ZNF566: variants seen among roughly 807,000 people sequenced by gnomAD.
The protein encoded by ZNF566 is zinc finger protein 566.
A neutral mutation model predicts 32.8 loss-of-function variants in ZNF566; 27 were observed. The ratio of observed to expected loss-of-function variants is 0.82; its 90% CI spans 0.61 to 1.14. The LOEUF is 1.14. Among genes scored for constraint, ZNF566 ranks in the 50% most tolerant of loss-of-function variants. The pLI is 0.00. For synonymous variants in ZNF566, 154 were observed against 159.5 expected (o/e 0.97, Z 0.26); for missense variants, 402 against 490.4 (o/e 0.82, Z 1.70).
intron 2 of ZNF566, 138 bp downstream of exon 2, chr19:36,476,411 C>A: frequency 1.7e-6 from 1 of 593,100 alleles, no homozygotes; most frequent in Non-Finnish European, 2.9e-6. Context: ...CAGCAAAATT[C>A]TGACATTGCT....
At chr19:36,463,176 T>C (rs1006446638) in intron 4 of ZNF566, among the ~76,000 whole-genome samples, 1 of 150,936 alleles carries the variant, frequency 6.6e-6, no homozygotes, top group African/African-American at 2.4e-5. Flanking sequence ...CGGTGGCACA[T>C]GTCTGCGGTT....
intron 4 of ZNF566, among the ~76,000 whole-genome samples, chr19:36,452,143 A>G (rs2033174864): frequency 6.6e-6 from 1 of 152,120 alleles, no homozygotes; most frequent in South Asian, 2.1e-4. Context: ...TAGACAAGGA[A>G]ATGGAGGGGT....
intron 1 of ZNF566, among the ~76,000 whole-genome samples, chr19:36,478,372 T>C (rs1568529686): frequency 6.6e-6 from 1 of 152,178 alleles, no homozygotes; most frequent in Admixed American, 6.6e-5. Flanking sequence ...TTCCTTCTTC[T>C]ATATTCCTCA....
At chr19:36,483,285 G>A (rs1243114224) in intron 1 of ZNF566, among the ~76,000 whole-genome samples, 5 of 152,198 alleles carry the variant, frequency 3.3e-5, no homozygotes, top group Non-Finnish European at 7.3e-5. Flanking sequence ...ACATAAATGT[G>A]CATGTAGACA....
rs770928513 is a variant in ZNF566, at chr19:36,449,795, C to T, written c.439G>A (p.Glu147Lys). The T allele has an allele frequency of 2.5e-6, 4 of 1,614,142 alleles. No homozygotes were observed. Among genetic ancestry groups the T allele is most frequent in the South Asian group, 1.1e-5 (1 of 91,080 alleles). Reference protein sequence around the residue: ...GHFNQLVFTHEDLPTLSHHPS... With the variant: ...GHFNQLVFTHKDLPTLSHHPS... ...TGGTGACTCAAAGTGGGCAGATCTT[C>T]ATGAGTGAATACCAATTGATTGAAA... The change falls in exon 5 of 5, where the codon GAA becomes AAA. Residue 147 changes from glutamate to lysine, a missense_variant. By Grantham distance (56) the Glu-to-Lys change is moderately conservative (BLOSUM62 1). Around this residue, in one of 3 missense-constraint regions of ZNF566, gnomAD observed 220 missense variants for 241.9 expected, o/e 0.91. Coordinates refer to ENST00000452939, the MANE Select transcript of ZNF566 (RefSeq NM_001145344.1).
intron 1 of ZNF566, among the ~76,000 whole-genome samples, chr19:36,485,969 G>A (rs1004442050): frequency 2.0e-5 from 3 of 152,134 alleles, no homozygotes; most frequent in African/African-American, 4.8e-5. Context: ...CAAGAATATC[G>A]CTGGAACCCA....
intron 3 of ZNF566, 109 bp downstream of exon 3, chr19:36,473,223 C>G (rs2033808458): frequency 7.3e-7 from 1 of 1,364,626 alleles, no homozygotes; most frequent in Admixed American, 1.8e-5. Context: ...TCCTGTGGAA[C>G]AGGATATCAA....
intron 1 of ZNF566, among the ~76,000 whole-genome samples, chr19:36,482,216 C>T (rs1283242346): frequency 1.3e-5 from 2 of 152,234 alleles, no homozygotes; most frequent in East Asian, 1.9e-4. Flanking sequence ...CGCCATTCTC[C>T]TGCCTCAGCC....
intron 4 of ZNF566, among the ~76,000 whole-genome samples, chr19:36,454,609 T>C (rs1171156053): frequency 2.6e-5 from 4 of 152,170 alleles, no homozygotes. Context: ...TGAATAATTA[T>C]ATGCCAACAA....
rs999369228 is a variant in ZNF566, at chr19:36,448,116, A to G, written c.*861T>C. The G allele has an allele frequency of 3.9e-5, 6 of 152,204 alleles. No homozygotes were observed. The highest frequency in any genetic ancestry group is 8.8e-5 in the Non-Finnish European group (6 of 68,014). The allele number at this position is 152,204 out of a possible 1,614,324, so 9.4% of individuals were successfully genotyped here. A position where few individuals can be genotyped will look rare whatever the true frequency, so the allele number is the denominator to read the frequency against. On this transcript the variant is annotated 3_prime_UTR_variant, in exon 5 of 5. Coordinates refer to ENST00000452939, the MANE Select transcript of ZNF566 (RefSeq NM_001145344.1). ...TATATGAACAGAAAAATGATCAGCAATAAATAATGAACTGATAAAGACTAT... is the reference window on the plus strand; with the variant it reads ...TATATGAACAGAAAAATGATCAGCAGTAAATAATGAACTGATAAAGACTAT...
At chr19:36,463,033 T>A (rs2033517130) in intron 4 of ZNF566, among the ~76,000 whole-genome samples, 1 of 149,944 alleles carries the variant, frequency 6.7e-6, no homozygotes, top group African/African-American at 2.5e-5. Context: ...AGGCTTATCT[T>A]GGGCCAGACG....
intron 1 of ZNF566, among the ~76,000 whole-genome samples, chr19:36,488,685 AG>A (rs2145720293): frequency 6.6e-6 from 1 of 152,234 alleles, no homozygotes; most frequent in East Asian, 1.9e-4. Flanking sequence ...ATACTTCAGA[AG>A]GGAGAATATA....
intron 4 of ZNF566, among the ~76,000 whole-genome samples, chr19:36,471,278 A>C (rs981422704): frequency 4.6e-5 from 7 of 151,706 alleles, no homozygotes; most frequent in African/African-American, 1.7e-4. Context: ...CCTTCTGATG[A>C]CTTCTTGTCT....
In ZNF566 at chr19:36,445,636, A is replaced by G. The variant is rs560827742; in HGVS notation, c.*3341T>C. 11 of 152,338 alleles carry G rather than the reference A, an allele frequency of 7.2e-5. No individual in the cohort carries two copies. The highest frequency in any genetic ancestry group is 2.2e-4 in the African/African-American group (9 of 41,578). The allele number at this position is 152,338 out of a possible 1,614,324, so 9.4% of individuals were successfully genotyped here. A position where few individuals can be genotyped will look rare whatever the true frequency, so the allele number is the denominator to read the frequency against. On this transcript the variant is annotated 3_prime_UTR_variant, in exon 5 of 5. Transcript: ENST00000452939. ...GGAGTTCGAGACCAGCCTGACCAAC[A>G]TGGAAAAATGCCGTCTCTACTAAAA...
chr19:36,477,885 A>C (rs1471809388), intron 1 of ZNF566, among the ~76,000 whole-genome samples: 2 of 152,176 alleles, frequency 1.3e-5, no homozygotes, highest in Non-Finnish European at 1.5e-5. Context: ...TTATACTAAA[A>C]TACTAAAGGA....
chr19:36,455,220 A>C (rs2033269467), intron 4 of ZNF566, among the ~76,000 whole-genome samples: 1 of 152,192 alleles, frequency 6.6e-6, no homozygotes, highest in African/African-American at 2.4e-5. Flanking sequence ...ACTTCAAAAT[A>C]ATAAAGGCCA....
chr19:36,482,137 G>A lies in ZNF566; in HGVS notation c.-59-5521C>T, dbSNP rs577054288. Among the ~76,000 whole-genome samples, 5 of 152,246 alleles carry A rather than the reference G, an allele frequency of 3.3e-5. No individual in the cohort carries two copies. The South Asian group carries it at 1.0e-3, about 32-fold the overall frequency. On this transcript the variant is annotated intron_variant, in intron 1 of 4. Coordinates refer to ENST00000452939, the MANE Select transcript of ZNF566 (RefSeq NM_001145344.1). ...TTTATTTATTTTGAGACGGAGTCTC[G>A]CTCTGTCGCCCAGGCTGGAGTGCAG...
rs1451174585 is a variant in ZNF566, at chr19:36,449,758, G to A, written c.476C>T (p.Thr159Ile). The change falls in exon 5 of 5, where the codon ACA becomes ATA. Residue 159 changes from threonine to isoleucine, a missense_variant. By Grantham distance (89) the Thr-to-Ile change is moderately conservative. Around this residue, in one of 3 missense-constraint regions of ZNF566, gnomAD observed 220 missense variants for 241.9 expected, o/e 0.91. Coordinates refer to ENST00000452939, the MANE Select transcript of ZNF566 (RefSeq NM_001145344.1). ...LPTLSHHPSFTLQQIINSKKK... is the reference protein window; with the variant it reads ...LPTLSHHPSFILQQIINSKKK... Reference sequence around the variant, plus strand: ...TTTACTGTTAATGATTTGCTGTAATGTGAAGGATGGATGGTGACTCAAAGT... The same window carrying A: ...TTTACTGTTAATGATTTGCTGTAATATGAAGGATGGATGGTGACTCAAAGT... 4 of 1,614,028 alleles carry A rather than the reference G, an allele frequency of 2.5e-6. No individual in the cohort carries two copies. The highest frequency in any genetic ancestry group is 2.7e-5 in the African/African-American group (2 of 74,932).
intron 4 of ZNF566, among the ~76,000 whole-genome samples, chr19:36,467,820 A>AAAAAG (rs2033661535): frequency 1.7e-5 from 2 of 118,158 alleles, no homozygotes; most frequent in Non-Finnish European, 3.6e-5. Flanking sequence ...AAAAAAAAAA[A>AAAAAG]AAAAGAAAAA....
Sources: allele counts gnomAD v4.1 joint callset (sites outside exome capture counted in the v4.1 genomes callset), GRCh38; gene constraint gnomAD v4.1.1; regional missense constraint gnomAD v4.1.1; transcripts MANE v1.5; gene names NCBI Gene and HGNC (gene_info 2026-07-23, HGNC 2026-07-21).